C1QTNF5: variants seen among roughly 807,000 people sequenced by gnomAD.
C1QTNF5 encodes the protein C1q and TNF related 5, also known as complement C1q tumor necrosis factor-related protein 5.
A neutral mutation model predicts 10.9 loss-of-function variants in C1QTNF5; 5 were observed. That is an observed-to-expected ratio of 0.46 (90% CI 0.24 to 0.97). The LOEUF (loss-of-function observed/expected upper bound fraction) is 0.97. Among genes scored for constraint, C1QTNF5 ranks in the 50% least tolerant of loss-of-function variants. C1QTNF5 has a pLI of 0.19. For missense variants in C1QTNF5, 281 were observed against 339.4 expected (o/e 0.83, Z 1.35); for synonymous variants, 161 against 156.5 (o/e 1.03, Z -0.22).
upstream of C1QTNF5, chr11:119,344,040 C>T: frequency 6.3e-7 from 1 of 1,583,652 alleles, no homozygotes; most frequent in Non-Finnish European, 8.6e-7. Flanking sequence ...GGGTCTTCTT[C>T]CCCCACTGCT....
At chr11:119,341,827 G>A, upstream of C1QTNF5, 1 of 1,609,590 alleles carries the variant, frequency 6.2e-7, no homozygotes, top group Non-Finnish European at 8.5e-7. Flanking sequence ...CCCCTCCCAG[G>A]CCCGCCCTCC....
upstream of C1QTNF5, chr11:119,341,467 C>T: frequency 8.2e-7 from 1 of 1,223,742 alleles, no homozygotes; most frequent in Non-Finnish European, 1.2e-6. Context: ...CCTGCTGATG[C>T]TCCTTCCTTT....
chr11:119,340,307 G>A lies in C1QTNF5; in HGVS notation c.91C>T (p.His31Tyr). The change falls in exon 2 of 3, where the codon CAC becomes TAC. Residue 31 changes from histidine (H) to tyrosine (Y), a missense_variant. Physicochemically the swap from His to Tyr is moderately conservative, Grantham distance 83. Transcript: ENST00000528368. ...DNKIPSLCPG[H>Y]PGLPGTPGHH... ...CCCGGCGTGCCTGGAAGGCCGGGGT[G>A]CCCCGGGCAGAGGCTGGGGATCTTG... 6.5e-7 allele frequency: 1 copy of A among 1,538,148 alleles called. No individual in the cohort carries two copies.
upstream of C1QTNF5, chr11:119,341,564 G>A (rs754021172): frequency 1.9e-6 from 3 of 1,612,696 alleles, no homozygotes; most frequent in Non-Finnish European, 2.5e-6. Flanking sequence ...CTGGGCACAA[G>A]CTTCCAGGTC....
At chr11:119,343,673 T>C (rs1950526593), upstream of C1QTNF5, 1 of 1,036,330 alleles carries the variant, frequency 9.6e-7, no homozygotes, top group Non-Finnish European at 1.5e-6. Flanking sequence ...GAGCTGTCTT[T>C]AGGGTGATGG....
At chr11:119,345,285 G>GT (rs1950550145), upstream of C1QTNF5, 9 of 920,232 alleles carry the variant, frequency 9.8e-6, no homozygotes, top group South Asian at 1.4e-4. Flanking sequence ...CAGCAAGGTG[G>GT]TGGCAGAGCT....
upstream of C1QTNF5, chr11:119,343,676 G>A: frequency 1.9e-6 from 2 of 1,049,490 alleles, no homozygotes; most frequent in Admixed American, 1.8e-5. Context: ...CTGTCTTTAG[G>A]GTGATGGTGA....
chr11:119,343,141 C>T (rs150957434), upstream of C1QTNF5: 66 of 1,074,528 alleles, frequency 6.1e-5, no homozygotes, highest in Admixed American at 1.0e-4. Context: ...TAGGGTCTGG[C>T]GAGAAAGACA....
chr11:119,340,139 C>T, intron 2 of C1QTNF5, 45 bp downstream of exon 2: 1 of 1,497,048 alleles, frequency 6.7e-7, no homozygotes, highest in Non-Finnish European at 8.9e-7. Flanking sequence ...TGCGGCCGCG[C>T]CTGCTCGGAC....
chr11:119,346,684 A>T, the C1QTNF5 span: 1 of 696,090 alleles, frequency 1.4e-6, no homozygotes, highest in Non-Finnish European at 2.6e-6. Context: ...GGTTTGGCCT[A>T]TGGGCTACTC....
chr11:119,345,075 C>G, upstream of C1QTNF5: 1 of 1,547,926 alleles, frequency 6.5e-7, no homozygotes. Context: ...CTTGCCTGGG[C>G]CTTGCAGTCC....
chr11:119,342,770 C>A (rs572431639), upstream of C1QTNF5: 2 of 1,613,258 alleles, frequency 1.2e-6, no homozygotes, highest in South Asian at 2.2e-5. Context: ...GACATACCTA[C>A]ACCCCCAGTA....
At chr11:119,345,075 C>T, upstream of C1QTNF5, 6 of 1,547,926 alleles carry the variant, frequency 3.9e-6, no homozygotes, top group Non-Finnish European at 5.3e-6. Flanking sequence ...CTTGCCTGGG[C>T]CTTGCAGTCC....
the C1QTNF5 span, chr11:119,346,571 GC>G: frequency 6.4e-7 from 1 of 1,571,248 alleles, no homozygotes; most frequent in Non-Finnish European, 8.8e-7. Flanking sequence ...ACCCCCAAGG[GC>G]CCACTCGCTG....
chr11:119,339,199 C>G lies in C1QTNF5; in HGVS notation c.*132G>C, dbSNP rs549464072. On this transcript the variant is annotated 3_prime_UTR_variant, in exon 3 of 3. Transcript: ENST00000528368. The surrounding 1 kb of genome is among the most constrained non-coding windows in gnomAD (Gnocchi z 5.4). ...TTCCCATTCCTTGCCAGCAGCAGGACGGAGAGTGCTCTACCCCACCTCCCT... is the reference window on the plus strand; with the variant it reads ...TTCCCATTCCTTGCCAGCAGCAGGAGGGAGAGTGCTCTACCCCACCTCCCT... 1.0e-6 allele frequency: 1 copy of G among 1,004,546 alleles called. No individual in the cohort carries two copies. Among genetic ancestry groups the G allele is most frequent in the African/African-American group, 1.6e-5 (1 of 61,476 alleles). The allele number at this position is 1,004,546 out of a possible 1,614,324, so 62.2% of individuals were successfully genotyped here.
At position 119,339,095 on chromosome 11, in the gene C1QTNF5, G is replaced by A. The variant is rs1356420825; in HGVS notation, c.*236C>T. 16 of 556,266 alleles carry A rather than the reference G, an allele frequency of 2.9e-5. No homozygotes were observed. Among genetic ancestry groups the A allele is most frequent in the Non-Finnish European group, 3.2e-6 (1 of 315,538 alleles). 34.5% of individuals were successfully genotyped at this position (556,266 alleles called of 1,614,324 possible). A position where few individuals can be genotyped will look rare whatever the true frequency, so the allele number is the denominator to read the frequency against. On this transcript the variant is annotated 3_prime_UTR_variant, in exon 3 of 3. Transcript: ENST00000528368. This position sits in a 1 kb window ranked among gnomAD's most constrained non-coding sequence, Gnocchi z 5.4. Reference sequence around the variant, plus strand: ...GCAACTGGGGGACTTACACTTGCCAGCACAGCACACTCCTCTGGTCTTGGG... The same window carrying A: ...GCAACTGGGGGACTTACACTTGCCAACACAGCACACTCCTCTGGTCTTGGG...
chr11:119,344,354 G>C, upstream of C1QTNF5: 1 of 1,614,056 alleles, frequency 6.2e-7, no homozygotes, highest in Non-Finnish European at 8.5e-7. Context: ...TGGGAGTAGA[G>C]AAAGTGCCCT....
At chr11:119,345,941 A>C in the C1QTNF5 span, 1 of 1,613,770 alleles carries the variant, frequency 6.2e-7, no homozygotes, top group Non-Finnish European at 8.5e-7. Context: ...GGAGGCGAGA[A>C]GATGGAGGGT....
upstream of C1QTNF5, chr11:119,345,072 G>A (rs1442239758): frequency 1.9e-6 from 3 of 1,554,908 alleles, no homozygotes; most frequent in Admixed American, 2.0e-5. Context: ...GAGCTTGCCT[G>A]GGCCTTGCAG....
Sources: gnomAD v4.1 joint callset for allele counts on GRCh38, gnomAD v4.1.1 for gene constraint, Gnocchi (gnomAD v3.1) non-coding constraint, MANE v1.5 for transcripts, NCBI Gene and HGNC (gene_info 2026-07-23, HGNC 2026-07-21) for gene names.